The following WDR70 variants were observed in gnomAD, a reference collection of about 807,000 sequenced individuals.
WDR70 encodes WD repeat-containing protein 70.
WDR70 carries 53 observed loss-of-function variants against 88.6 expected under a neutral mutation model. That is an observed-to-expected ratio of 0.60 (90% CI 0.48 to 0.75). The LOEUF (loss-of-function observed/expected upper bound fraction) is 0.75. Ranked by LOEUF, WDR70 falls within the 30% of genes least tolerant of loss-of-function variation. The pLI is 0.00. For missense variants in WDR70, 610 were observed against 823.2 expected, an observed-to-expected ratio of 0.74 and a Z score of 3.17; for synonymous variants, 280 against 270.0, an observed-to-expected ratio of 1.04 and a Z score of -0.36.
chr5:37,619,923 T>G (rs1217846547), intron 10 of WDR70: 2 of 149,730 alleles, frequency 1.3e-5, no homozygotes, highest in South Asian at 2.1e-4. Context: ...CCAGGTTTTT[T>G]TTTTTTTTTT....
Position 37,539,027 on chromosome 5 carries a change from C to G in WDR70, c.917+22437C>G, listed in dbSNP as rs141454526. Reference sequence around the variant, plus strand: ...GTTCCAACTCAGCACAGAGCTCAGCCCATTGGTACTGATGAGTGAATCAGA... The same window carrying G: ...GTTCCAACTCAGCACAGAGCTCAGCGCATTGGTACTGATGAGTGAATCAGA... On this transcript the variant is annotated intron_variant, in intron 9 of 17. Transcript: ENST00000265107. Among the ~76,000 whole-genome samples the G allele has an allele frequency of 5.0e-3, 764 of 152,178 alleles. 7 individuals carry two copies. The highest frequency in any genetic ancestry group is 6.2e-3 in the South Asian group (30 of 4,812).
At chr5:37,633,898 G>C (rs1744887132) in intron 10 of WDR70, among the ~76,000 whole-genome samples, 1 of 152,094 alleles carries the variant, frequency 6.6e-6, no homozygotes, top group Non-Finnish European at 1.5e-5. Context: ...GTATGTTCAA[G>C]TTTGATAGTG....
chr5:37,590,491 C>T (rs1021290583), intron 9 of WDR70, among the ~76,000 whole-genome samples: 2 of 152,162 alleles, frequency 1.3e-5, no homozygotes, highest in Admixed American at 6.5e-5. Flanking sequence ...CATCAAATTC[C>T]TGGAACCTGT....
chr5:37,477,171 C>T (rs1397558874), intron 7 of WDR70, among the ~76,000 whole-genome samples: 1 of 152,126 alleles, frequency 6.6e-6, no homozygotes, highest in Admixed American at 6.5e-5. Context: ...TTCTTCATGC[C>T]ATACTCTGTG....
intron 10 of WDR70, among the ~76,000 whole-genome samples, chr5:37,693,540 C>T (rs1746880797): frequency 6.6e-6 from 1 of 152,054 alleles, no homozygotes; most frequent in East Asian, 1.9e-4. Flanking sequence ...AGAACAGAGG[C>T]CTCAGAAATA....
chr5:37,489,977 A>T (rs1740017075), intron 8 of WDR70, among the ~76,000 whole-genome samples: 1 of 152,014 alleles, frequency 6.6e-6, no homozygotes, highest in Admixed American at 6.5e-5. Context: ...TGGGGCTGTC[A>T]TCAGGTCCCC....
At chr5:37,392,222 A>C (rs961831069) in intron 4 of WDR70, 102 bp downstream of exon 4, 30 of 1,348,706 alleles carry the variant, frequency 2.2e-5, no homozygotes, top group Non-Finnish European at 2.9e-5. Flanking sequence ...GTCTTGCTCT[A>C]TCGCCCTCTG....
chr5:37,511,684 A>C (rs979626236), intron 8 of WDR70, among the ~76,000 whole-genome samples: 1 of 152,202 alleles, frequency 6.6e-6, no homozygotes, highest in Non-Finnish European at 1.5e-5. Context: ...ATTAAAAATC[A>C]TGAGTTCACA....
At chr5:37,508,148 C>T in intron 8 of WDR70, among the ~76,000 whole-genome samples, 1 of 151,724 alleles carries the variant, frequency 6.6e-6, no homozygotes, top group Middle Eastern at 3.2e-3. Flanking sequence ...TGTTTGTGTC[C>T]CCCCCAAATA....
chr5:37,646,835 T>G (rs1202765965), intron 10 of WDR70, among the ~76,000 whole-genome samples: 1 of 152,212 alleles, frequency 6.6e-6, no homozygotes, highest in Non-Finnish European at 1.5e-5. Context: ...AAGTGTCTTC[T>G]GCTCTTTTTT....
intron 9 of WDR70, among the ~76,000 whole-genome samples, chr5:37,541,494 A>G (rs1164520258): frequency 2.0e-5 from 3 of 152,152 alleles, no homozygotes; most frequent in Non-Finnish European, 2.9e-5. Flanking sequence ...ATCTAATCCT[A>G]TTTTTCATAG....
chr5:37,654,409 T>C (rs1387325567), intron 10 of WDR70, among the ~76,000 whole-genome samples: 1 of 152,194 alleles, frequency 6.6e-6, no homozygotes, highest in Non-Finnish European at 1.5e-5. Context: ...CTGAGAAGAA[T>C]GTATGTTCTG....
At chr5:37,491,980 T>C (rs1276468529) in intron 8 of WDR70, among the ~76,000 whole-genome samples, 1 of 152,198 alleles carries the variant, frequency 6.6e-6, no homozygotes, top group Non-Finnish European at 1.5e-5. Flanking sequence ...CTTTCTTACA[T>C]TTTGGCACAA....
chr5:37,419,847 CTTTG>C (rs977389614), intron 5 of WDR70, among the ~76,000 whole-genome samples: 1 of 152,002 alleles, frequency 6.6e-6, no homozygotes, highest in Middle Eastern at 3.4e-3. Flanking sequence ...ATATTTTTCG[CTTTG>C]TTTGTTTCTC....
intron 13 of WDR70, among the ~76,000 whole-genome samples, chr5:37,718,418 A>G (rs1047406733): frequency 5.3e-5 from 8 of 152,162 alleles, no homozygotes; most frequent in African/African-American, 1.9e-4. Context: ...ACTTGAAAAC[A>G]TATTTGAGAA....
chr5:37,619,789 A>G lies in WDR70; in HGVS notation c.1092+14551A>G, dbSNP rs569533483. Among the ~76,000 whole-genome samples, 538 of 151,838 alleles carry G rather than the reference A, an allele frequency of 3.5e-3. 2 individuals are homozygous for G. Among genetic ancestry groups the G allele is most frequent in the Non-Finnish European group, 5.9e-3 (401 of 67,952 alleles). ...TTTTCTTCTACTAATTACCCAAGCCACAGTAATTTATCAAATTTCTTAAAA... is the reference window on the plus strand; with the variant it reads ...TTTTCTTCTACTAATTACCCAAGCCGCAGTAATTTATCAAATTTCTTAAAA... On this transcript the variant is annotated intron_variant, in intron 10 of 17. Coordinates refer to ENST00000265107, the MANE Select transcript of WDR70 (RefSeq NM_018034.4).
intron 7 of WDR70, among the ~76,000 whole-genome samples, chr5:37,461,751 G>T (rs550952549): frequency 1.1e-3 from 161 of 152,146 alleles, no homozygotes; most frequent in African/African-American, 3.8e-3. Flanking sequence ...CCAAAGTGCT[G>T]GGATTACAGG....
At position 37,473,838 on chromosome 5, in the gene WDR70, T is replaced by G. The variant is rs185871268; in HGVS notation, c.687-5996T>G. ...TATTGCTGGATTCCATCTGCTATAT[T>G]TTGTTTGGAACATTTTGTATCTGTG... On this transcript the variant is annotated intron_variant, in intron 7 of 17. Transcript: ENST00000265107. Among the ~76,000 whole-genome samples the G allele has an allele frequency of 4.5e-3, 688 of 152,330 alleles. 4 individuals are homozygous for G. The highest frequency in any genetic ancestry group is 4.9e-3 in the Non-Finnish European group (333 of 68,040).
Position 37,379,392 on chromosome 5 carries a change from G to A in WDR70, c.25G>A (p.Val9Met), listed in dbSNP as rs759673295. MERSGPSE[V>M]TGSDASGPDP... ...CATGGAGCGCTCTGGGCCCAGCGAA[G>A]GTGGGTTTCATGAGGCGAGTCCGGG... Residue 9 changes from valine to methionine, a missense_variant and splice_region_variant, in exon 1 of 18, where the codon GTG (valine) becomes ATG (methionine). By Grantham distance (21) the Val-to-Met change is conservative. Around this residue, in one of 4 missense-constraint regions of WDR70, gnomAD observed 203 missense variants for 228.1 expected, o/e 0.89. Transcript: ENST00000265107. 19 of 1,613,576 alleles carry A rather than the reference G, an allele frequency of 1.2e-5. No individual in the cohort carries two copies. Among genetic ancestry groups the A allele is most frequent in the Non-Finnish European group, 1.6e-5 (19 of 1,179,836 alleles).
Sources: allele counts gnomAD v4.1 joint callset (sites outside exome capture counted in the v4.1 genomes callset), GRCh38; gene constraint gnomAD v4.1.1; regional missense constraint gnomAD v4.1.1; transcripts MANE v1.5; gene names NCBI Gene and HGNC (gene_info 2026-07-23, HGNC 2026-07-21).